Variants in CNTNAP2 observed in about 807,000 individuals in gnomAD.
CNTNAP2 encodes the protein contactin-associated protein-like 2.
A neutral mutation model predicts 155.2 loss-of-function variants in CNTNAP2; 98 were observed. The ratio of observed to expected loss-of-function variants is 0.63; its 90% CI spans 0.54 to 0.75. The LOEUF (loss-of-function observed/expected upper bound fraction) is 0.75. Among genes scored for constraint, CNTNAP2 ranks in the 30% least tolerant of loss-of-function variants. The pLI is 0.00. For synonymous variants in CNTNAP2, 651 were observed against 631.2 expected, an observed-to-expected ratio of 1.03 and a Z score of -0.47; for missense variants, 1,727 against 1,688.1, an observed-to-expected ratio of 1.02 and a Z score of -0.40.
intron 10 of CNTNAP2, among the ~76,000 whole-genome samples, chr7:147,407,641 T>C (rs539471662): frequency 7.3e-6 from 1 of 136,918 alleles, no homozygotes; most frequent in South Asian, 2.4e-4. Flanking sequence ...GGATCTCTTC[T>C]CCCAGAACAG....
intron 1 of CNTNAP2, among the ~76,000 whole-genome samples, chr7:146,622,185 A>C (rs575338373): frequency 6.9e-6 from 1 of 143,960 alleles, no homozygotes; most frequent in Admixed American, 6.8e-5. Flanking sequence ...ATATATACAC[A>C]TATATACATA....
chr7:148,214,605 C>G (rs1478349792), intron 18 of CNTNAP2, among the ~76,000 whole-genome samples: 1 of 152,150 alleles, frequency 6.6e-6, no homozygotes, highest in Non-Finnish European at 1.5e-5. Context: ...TGGAGTCTCT[C>G]TCTGCGGCCA....
At chr7:146,434,763 C>A (rs1796218222) in intron 1 of CNTNAP2, among the ~76,000 whole-genome samples, 1 of 151,976 alleles carries the variant, frequency 6.6e-6, no homozygotes, top group African/African-American at 2.4e-5. Context: ...ATTATAATAG[C>A]ATATTTCTTT....
chr7:147,715,507 T>C (rs1328512531), intron 13 of CNTNAP2, among the ~76,000 whole-genome samples: 1 of 152,120 alleles, frequency 6.6e-6, no homozygotes, highest in Non-Finnish European at 1.5e-5. Context: ...TTGTCCATTT[T>C]CTAATTTCAT....
chr7:147,730,617 A>G (rs1053670776), intron 13 of CNTNAP2, among the ~76,000 whole-genome samples: 17 of 152,004 alleles, frequency 1.1e-4, no homozygotes, highest in African/African-American at 4.1e-4. Context: ...AAGACCCCCT[A>G]TTCCCAAAGA....
intron 8 of CNTNAP2, among the ~76,000 whole-genome samples, chr7:147,188,193 G>T (rs1802606970): frequency 6.6e-6 from 1 of 152,192 alleles, no homozygotes; most frequent in Admixed American, 6.5e-5. Flanking sequence ...TGAATTAATT[G>T]TCTCTCCCCT....
chr7:147,264,891 G>A (rs368159847), intron 8 of CNTNAP2, among the ~76,000 whole-genome samples: 2 of 152,112 alleles, frequency 1.3e-5, no homozygotes, highest in African/African-American at 2.4e-5. Flanking sequence ...CCAGGAAATT[G>A]AGGTCAAGCT....
intron 13 of CNTNAP2, chr7:147,672,851 G>C (rs369591201): frequency 6.6e-6 from 1 of 151,788 alleles, no homozygotes; most frequent in East Asian, 1.9e-4. Flanking sequence ...TGCTGCTTCC[G>C]TTTCAAAAAC....
chr7:147,945,760 A>T (rs887513650), intron 14 of CNTNAP2, among the ~76,000 whole-genome samples: 1 of 151,740 alleles, frequency 6.6e-6, no homozygotes, highest in African/African-American at 2.4e-5. Flanking sequence ...AAATAAAATA[A>T]AATAATTTTA....
intron 3 of CNTNAP2, among the ~76,000 whole-genome samples, chr7:147,024,226 G>A (rs533659476): frequency 1.3e-5 from 2 of 152,152 alleles, no homozygotes; most frequent in Non-Finnish European, 2.9e-5. Flanking sequence ...TTTGTATTAC[G>A]TTTAAAGAGA....
chr7:147,547,544 C>T (rs1799762151), intron 11 of CNTNAP2, among the ~76,000 whole-genome samples: 1 of 152,186 alleles, frequency 6.6e-6, no homozygotes, highest in Non-Finnish European at 1.5e-5. Context: ...AGTAGTAACT[C>T]CTTTCTTTGC....
intron 3 of CNTNAP2, among the ~76,000 whole-genome samples, chr7:146,842,747 G>A (rs1379259564): frequency 3.3e-5 from 5 of 151,686 alleles, no homozygotes; most frequent in Non-Finnish European, 7.4e-5. Context: ...GTGCAGTGAC[G>A]CGATCTCGGC....
intron 3 of CNTNAP2, among the ~76,000 whole-genome samples, chr7:146,883,345 T>C (rs1293500060): frequency 6.6e-6 from 1 of 152,180 alleles, no homozygotes; most frequent in Non-Finnish European, 1.5e-5. Context: ...CTTCTGATAA[T>C]TGCATTGCCT....
At chr7:146,739,203 A>T (rs59374922) in intron 1 of CNTNAP2, among the ~76,000 whole-genome samples, 2,338 of 151,444 alleles carry the variant, frequency 0.015, 62 homozygotes, top group African/African-American at 0.055. Context: ...TTTGTTTTTC[A>T]AGTTTCTTGA....
In CNTNAP2 at chr7:148,081,936, G is replaced by T. The variant is rs1217683359; in HGVS notation, c.2384-36182G>T. ...AGATATAGGCTGATAGATGGAGTAA[G>T]CATAGAGAAGGGCATTGTTTTGTTT... On this transcript the variant is annotated intron_variant, in intron 15 of 23. Coordinates refer to ENST00000361727, the MANE Select transcript of CNTNAP2 (RefSeq NM_014141.6). Among the ~76,000 whole-genome samples, 4 of 152,108 alleles carry T rather than the reference G, an allele frequency of 2.6e-5. No individual in the cohort carries two copies. The East Asian group carries it at 7.7e-4, about 29-fold the overall frequency.
At chr7:147,595,706 C>T (rs117041126) in intron 12 of CNTNAP2, among the ~76,000 whole-genome samples, 9 of 152,290 alleles carry the variant, frequency 5.9e-5, no homozygotes, top group East Asian at 1.9e-4. Flanking sequence ...TTTACCTGAA[C>T]GATTGTTGTG....
intron 2 of CNTNAP2, among the ~76,000 whole-genome samples, chr7:146,816,443 G>C (rs1160660576): frequency 1.3e-5 from 2 of 152,124 alleles, no homozygotes; most frequent in African/African-American, 4.8e-5. Context: ...ATTCCCAATC[G>C]AGGACCTCAC....
intron 10 of CNTNAP2, among the ~76,000 whole-genome samples, chr7:147,426,179 G>A (rs992683855): frequency 1.3e-5 from 2 of 149,210 alleles, no homozygotes; most frequent in Non-Finnish European, 3.0e-5. Context: ...CTGGCCAAAT[G>A]TGCTTTTTTA....
intron 1 of CNTNAP2, among the ~76,000 whole-genome samples, chr7:146,217,305 C>T (rs981995646): frequency 6.6e-6 from 1 of 152,174 alleles, no homozygotes; most frequent in African/African-American, 2.4e-5. Context: ...TGACTTATGA[C>T]TCACTGTTTA....
Sources: allele counts gnomAD v4.1 joint callset (sites outside exome capture counted in the v4.1 genomes callset), GRCh38; gene constraint gnomAD v4.1.1; transcripts MANE v1.5; gene names NCBI Gene and HGNC (gene_info 2026-07-23, HGNC 2026-07-21).